The following RUNX1 variants were observed in gnomAD, a reference collection of about 807,000 sequenced individuals.
The protein encoded by RUNX1 is RUNX family transcription factor 1.
Under a neutral mutation model 42.8 loss-of-function variants are expected in RUNX1, and 19 were observed. That is an observed-to-expected ratio of 0.44 (90% confidence interval 0.31 to 0.65). The LOEUF (loss-of-function observed/expected upper bound fraction) is 0.65. Ranked by LOEUF, RUNX1 falls within the 30% of genes least tolerant of loss-of-function variation. The probability of loss-of-function intolerance (pLI) is 0.07; values close to 1 mark genes in which losing one functional copy is unlikely to be tolerated. For missense variants in RUNX1, 528 were observed against 672.0 expected (o/e 0.79, Z 2.37); for synonymous variants, 271 against 289.4 (o/e 0.94, Z 0.64).
At chr21:34,954,181 G>A (rs1157341837) in intron 2 of RUNX1, among the ~76,000 whole-genome samples, 1 of 152,182 alleles carries the variant, frequency 6.6e-6, no homozygotes, top group African/African-American at 2.4e-5. Flanking sequence ...TTAAGCTACA[G>A]AAAGAGTCAT....
intron 6 of RUNX1, among the ~76,000 whole-genome samples, chr21:34,854,516 C>A (rs983959636): frequency 6.6e-6 from 1 of 150,438 alleles, no homozygotes; most frequent in African/African-American, 2.5e-5. Flanking sequence ...ACCTGGAAGG[C>A]GGAGGTTGCA....
chr21:34,822,106 T>A (rs1284013496), intron 7 of RUNX1, among the ~76,000 whole-genome samples: 1 of 152,202 alleles, frequency 6.6e-6, no homozygotes, highest in Non-Finnish European at 1.5e-5. Flanking sequence ...GGGGTGACCA[T>A]TAATTCACGG....
chr21:34,878,569 G>C (rs1372459671), intron 5 of RUNX1, among the ~76,000 whole-genome samples: 2 of 152,080 alleles, frequency 1.3e-5, no homozygotes, highest in Non-Finnish European at 2.9e-5. Context: ...AGTATGGGAA[G>C]ACAGCCCAGC....
Position 34,970,595 on chromosome 21 carries a change from A to G in RUNX1, c.59-77632T>C, listed in dbSNP as rs548869334. ...CACTTCCCTTCACCCTTTACATTTT[A>G]CCTCACTGGGCTCCTACGTTGGTCA... On this transcript the variant is annotated intron_variant, in intron 2 of 8. Coordinates refer to ENST00000675419, the MANE Select transcript of RUNX1 (RefSeq NM_001754.5). 3.3e-5 allele frequency among the ~76,000 whole-genome samples: 5 copies of G among 152,016 alleles called. No homozygotes were observed. The East Asian group carries it at 7.7e-4, about 24-fold the overall frequency.
intron 2 of RUNX1, among the ~76,000 whole-genome samples, chr21:35,018,102 G>A (rs527361668): frequency 7.1e-4 from 108 of 152,128 alleles, no homozygotes; most frequent in Non-Finnish European, 8.2e-4. Context: ...CTTGGCTCAC[G>A]TCAACCTCCA....
At chr21:34,893,083 T>C (rs772459822) in intron 2 of RUNX1, 120 bp from the exon 3 acceptor site, 3 of 677,868 alleles carry the variant, frequency 4.4e-6, no homozygotes, top group Non-Finnish European at 8.0e-6. Context: ...GAGATTTTTA[T>C]AGCTTTGACA....
intron 7 of RUNX1, among the ~76,000 whole-genome samples, chr21:34,810,947 C>T (rs1339882101): frequency 6.6e-6 from 1 of 152,180 alleles, no homozygotes; most frequent in Non-Finnish European, 1.5e-5. Context: ...AGCGGGGTAG[C>T]ATGCACCGCT....
At chr21:34,833,003 G>C (rs1321019680) in intron 7 of RUNX1, 2 of 152,188 alleles carry the variant, frequency 1.3e-5, no homozygotes, top group Admixed American at 1.3e-4. Context: ...TCAAGTAGAA[G>C]AACCTTCCCC....
intron 5 of RUNX1, among the ~76,000 whole-genome samples, chr21:34,879,048 A>G (rs2057857490): frequency 6.6e-6 from 1 of 152,242 alleles, no homozygotes; most frequent in Non-Finnish European, 1.5e-5. Flanking sequence ...TAAGAGAGTT[A>G]GCTAGGCCGA....
chr21:35,045,966 C>CT (rs1272008104), intron 2 of RUNX1, among the ~76,000 whole-genome samples: 1 of 152,138 alleles, frequency 6.6e-6, no homozygotes, highest in Non-Finnish European at 1.5e-5. Flanking sequence ...TAAGCCACTT[C>CT]TAAGAACAAG....
chr21:34,976,762 T>C (rs1424205778), intron 2 of RUNX1, among the ~76,000 whole-genome samples: 1 of 152,224 alleles, frequency 6.6e-6, no homozygotes, highest in Admixed American at 6.5e-5. Context: ...CAGTTACATG[T>C]TGGTTATTAT....
At chr21:34,862,832 G>T (rs1440341560) in intron 5 of RUNX1, among the ~76,000 whole-genome samples, 2 of 152,162 alleles carry the variant, frequency 1.3e-5, no homozygotes, top group Non-Finnish European at 2.9e-5. Flanking sequence ...TAGCAATGTA[G>T]TAAGAGCTCC....
Position 34,931,351 on chromosome 21 carries a change from CAT to C in RUNX1, c.59-38390_59-38389del, listed in dbSNP as rs1491200701. ...ATATACACATTTATATATATATATA[CAT>C]GTGTATATATATGTGTATATATAAT... On this transcript the variant is annotated intron_variant, in intron 2 of 8. Coordinates refer to ENST00000675419, the MANE Select transcript of RUNX1 (RefSeq NM_001754.5). Among the ~76,000 whole-genome samples the C allele has an allele frequency of 9.4e-3, 1,357 of 144,078 alleles. 23 individuals are homozygous for C. The highest frequency in any genetic ancestry group is 0.033 in the African/African-American group (1,295 of 38,746). 94.5% of individuals were successfully genotyped at this position (144,078 alleles called of 152,430 possible).
intron 6 of RUNX1, among the ~76,000 whole-genome samples, chr21:34,847,510 T>G (rs1385160563): frequency 6.6e-6 from 1 of 152,142 alleles, no homozygotes; most frequent in African/African-American, 2.4e-5. Flanking sequence ...TATCTAATTA[T>G]ATTTATATTA....
intron 7 of RUNX1, among the ~76,000 whole-genome samples, chr21:34,825,483 T>C (rs1035688674): frequency 6.6e-6 from 1 of 152,176 alleles, no homozygotes; most frequent in Non-Finnish European, 1.5e-5. Flanking sequence ...AAAAATACTA[T>C]GATGTTGCGT....
intron 7 of RUNX1, among the ~76,000 whole-genome samples, chr21:34,822,991 A>G (rs890514767): frequency 2.0e-5 from 3 of 152,206 alleles, no homozygotes; most frequent in Non-Finnish European, 4.4e-5. Context: ...CCTTCCAGTG[A>G]TATAAAGAGG....
chr21:34,957,295 G>T (rs547857562), intron 2 of RUNX1, among the ~76,000 whole-genome samples: 3 of 152,274 alleles, frequency 2.0e-5, no homozygotes, highest in African/African-American at 7.2e-5. Flanking sequence ...GGAACACTAG[G>T]GGCGAATGAG....
At chr21:34,996,637 T>C (rs1356522684) in intron 2 of RUNX1, among the ~76,000 whole-genome samples, 1 of 133,898 alleles carries the variant, frequency 7.5e-6, no homozygotes, top group African/African-American at 2.8e-5. Context: ...TGCTGAACTC[T>C]CTCTCTCTCT....
At position 34,792,490 on chromosome 21, in the gene RUNX1, C is replaced by G. The variant is rs777498866; in HGVS notation, c.1088G>C (p.Gly363Ala). The change falls in exon 9 of 9, where the codon GGC becomes GCC. Residue 363 changes from glycine to alanine, a missense_variant. This residue lies in a region of RUNX1 where 331 missense variants were observed against 382.5 expected (regional missense o/e 0.87). Coordinates refer to ENST00000675419, the MANE Select transcript of RUNX1 (RefSeq NM_001754.5). This position sits in a 1 kb window ranked among gnomAD's most constrained non-coding sequence, Gnocchi z 6.9. Reference protein sequence around the residue: ...FTYSPTPVTSGIGIGMSAMGS... With the variant: ...FTYSPTPVTSAIGIGMSAMGS... ...CATGGCCGACATGCCGATGCCGATG[C>G]CCGAGGTGACCGGCGTCGGGGAGTA... The G allele has an allele frequency of 6.3e-7, 1 of 1,593,918 alleles. No homozygotes were observed. Among genetic ancestry groups the G allele is most frequent in the Non-Finnish European group, 8.5e-7 (1 of 1,170,286 alleles).
Sources: allele counts gnomAD v4.1 joint callset (sites outside exome capture counted in the v4.1 genomes callset), GRCh38; gene constraint gnomAD v4.1.1; regional missense constraint gnomAD v4.1.1; non-coding constraint Gnocchi (gnomAD v3.1); transcripts MANE v1.5; gene names NCBI Gene and HGNC (gene_info 2026-07-23, HGNC 2026-07-21).